Variants in DLC1 observed in about 807,000 individuals in gnomAD.
DLC1 encodes the protein rho GTPase-activating protein 7.
DLC1 carries 54 observed loss-of-function variants against 140.3 expected under a neutral mutation model. That is an observed-to-expected ratio of 0.38 (90% CI 0.31 to 0.48). The LOEUF (loss-of-function observed/expected upper bound fraction) is 0.48. DLC1 is among the 20% of genes least tolerant of loss of function. The pLI, the probability that DLC1 is intolerant of heterozygous loss-of-function variation, is 0.96. For synonymous variants in DLC1, 986 were observed against 728.1 expected (o/e 1.35, Z -5.70); for missense variants, 2,536 against 1,907.0 (o/e 1.33, Z -6.14).
At chr8:13,575,127 C>G (rs1000627880) in intron 1 of DLC1, among the ~76,000 whole-genome samples, 3 of 152,160 alleles carry the variant, frequency 2.0e-5, no homozygotes, top group Non-Finnish European at 4.4e-5. Flanking sequence ...TGGCAGTCAA[C>G]TCAAATTACA....
In DLC1 at chr8:13,441,764, C is replaced by T. The variant is rs560994690; in HGVS notation, c.1024-40145G>A. On this transcript the variant is annotated intron_variant, in intron 2 of 17. Transcript: ENST00000276297. Reference sequence around the variant, plus strand: ...GCTCATGGGTAGGAGGAATCAATATCGTGAACATGGCCATACTGCCCAAGG... The same window carrying T: ...GCTCATGGGTAGGAGGAATCAATATTGTGAACATGGCCATACTGCCCAAGG... 2.8e-4 allele frequency among the ~76,000 whole-genome samples: 43 copies of T among 152,170 alleles called. 1 individual carries two copies. The highest frequency in any genetic ancestry group is 2.3e-3 in the Admixed American group (35 of 15,290).
chr8:13,185,288 TTTTG>T (rs555796835), intron 5 of DLC1, among the ~76,000 whole-genome samples: 5,521 of 144,350 alleles, frequency 0.038, 171 homozygotes, highest in Non-Finnish European at 0.053. Context: ...TTTCTGTTTT[TTTTG>T]TTTGTTTGTT....
intron 5 of DLC1, among the ~76,000 whole-genome samples, chr8:13,161,713 T>C (rs2128984772): frequency 6.6e-6 from 1 of 152,304 alleles, no homozygotes; most frequent in Non-Finnish European, 1.5e-5. Flanking sequence ...CTTATGGAAA[T>C]GTCTCACATC....
chr8:13,552,846 G>C (rs756050853), intron 1 of DLC1, among the ~76,000 whole-genome samples: 3 of 151,760 alleles, frequency 2.0e-5, no homozygotes, highest in Non-Finnish European at 4.4e-5. Flanking sequence ...GAAAGAAAAT[G>C]ATCACAGAAA....
intron 4 of DLC1, among the ~76,000 whole-genome samples, chr8:13,384,613 A>G (rs1836431754): frequency 7.0e-6 from 1 of 143,696 alleles, no homozygotes; most frequent in South Asian, 2.2e-4. Context: ...AAAAATGTAA[A>G]AAATAATGTC....
intron 17 of DLC1, 151 bp from the exon 18 acceptor site, chr8:13,086,082 C>G: frequency 7.2e-7 from 1 of 1,391,674 alleles, no homozygotes; most frequent in Non-Finnish European, 9.5e-7. Context: ...ATTTGCTTTG[C>G]TTTAGAACCA....
chr8:13,443,926 T>G (rs1168885245), intron 2 of DLC1, among the ~76,000 whole-genome samples: 1 of 152,142 alleles, frequency 6.6e-6, no homozygotes, highest in Non-Finnish European at 1.5e-5. Context: ...TGACATTATT[T>G]AGGTACACAG....
intron 1 of DLC1, among the ~76,000 whole-genome samples, chr8:13,576,503 C>T (rs558107748): frequency 1.3e-5 from 2 of 152,256 alleles, no homozygotes; most frequent in Admixed American, 6.5e-5. Context: ...AAATATGTTG[C>T]CTCCAGATCC....
intron 1 of DLC1, among the ~76,000 whole-genome samples, chr8:13,507,304 A>T (rs1165169934): frequency 6.6e-6 from 1 of 152,218 alleles, no homozygotes; most frequent in African/African-American, 2.4e-5. Flanking sequence ...CCCAGGGAAG[A>T]TATTATGTTT....
upstream of DLC1, among the ~76,000 whole-genome samples, chr8:13,518,628 A>G (rs1048613181): frequency 2.6e-5 from 4 of 152,226 alleles, no homozygotes; most frequent in Non-Finnish European, 4.4e-5. Flanking sequence ...TAGCAACATC[A>G]TTAATTCAGT....
At chr8:13,178,293 T>C (rs1255370775) in intron 5 of DLC1, among the ~76,000 whole-genome samples, 1 of 152,138 alleles carries the variant, frequency 6.6e-6, no homozygotes, top group Non-Finnish European at 1.5e-5. Flanking sequence ...CCGGGCGCGG[T>C]GGCTCACGCC....
At chr8:13,276,111 G>A (rs1831153063) in intron 5 of DLC1, 2 of 1,177,114 alleles carry the variant, frequency 1.7e-6, no homozygotes, top group Non-Finnish European at 2.3e-6. Context: ...ACTAGAGAAA[G>A]GGAGACCGAA....
At chr8:13,378,464 A>G (rs1242395011) in intron 4 of DLC1, among the ~76,000 whole-genome samples, 1 of 152,050 alleles carries the variant, frequency 6.6e-6, no homozygotes, top group Non-Finnish European at 1.5e-5. Context: ...TCCCTAAAAT[A>G]TCTGTATTGG....
chr8:13,171,010 T>A (rs1039897399), intron 5 of DLC1, among the ~76,000 whole-genome samples: 1 of 152,220 alleles, frequency 6.6e-6, no homozygotes, highest in African/African-American at 2.4e-5. Context: ...ACTCATGTTA[T>A]GTTTACTGAT....
chr8:13,470,232 C>G (rs1386577449), intron 2 of DLC1, among the ~76,000 whole-genome samples: 1 of 152,178 alleles, frequency 6.6e-6, no homozygotes, highest in African/African-American at 2.4e-5. Context: ...TAATTTATTT[C>G]TCAAAGGGCT....
intron 5 of DLC1, among the ~76,000 whole-genome samples, chr8:13,299,995 C>T (rs917695021): frequency 2.6e-5 from 4 of 152,144 alleles, no homozygotes; most frequent in African/African-American, 9.7e-5. Flanking sequence ...ATGTTCATTG[C>T]AGCACTATTC....
intron 5 of DLC1, among the ~76,000 whole-genome samples, chr8:13,137,744 C>G (rs1339855963): frequency 1.3e-5 from 2 of 151,656 alleles, no homozygotes; most frequent in East Asian, 3.9e-4. Context: ...ACTACAGGCA[C>G]CTGCCACCAC....
At chr8:13,293,999 C>G (rs139653583) in intron 5 of DLC1, among the ~76,000 whole-genome samples, 3 of 152,208 alleles carry the variant, frequency 2.0e-5, no homozygotes, top group Non-Finnish European at 2.9e-5. Context: ...TCAGGATATA[C>G]CTAGTTCTAG....
intron 5 of DLC1, among the ~76,000 whole-genome samples, chr8:13,172,964 C>T (rs1825566356): frequency 6.6e-6 from 1 of 152,184 alleles, no homozygotes; most frequent in African/African-American, 2.4e-5. Context: ...ACCAAAAAGT[C>T]ATTAGGGTGT....
Sources: allele counts gnomAD v4.1 joint callset (sites outside exome capture counted in the v4.1 genomes callset), GRCh38; gene constraint gnomAD v4.1.1; transcripts MANE v1.5; gene names NCBI Gene and HGNC (gene_info 2026-07-23, HGNC 2026-07-21).